DZIP3: variants seen among roughly 807,000 people sequenced by gnomAD.
DZIP3 encodes DAZ interacting zinc finger protein 3.
Under a neutral mutation model 162.0 loss-of-function variants are expected in DZIP3, and 118 were observed. The ratio of observed to expected loss-of-function variants is 0.73; its 90% CI spans 0.63 to 0.85. The LOEUF (loss-of-function observed/expected upper bound fraction) is 0.85. Among genes scored for constraint, DZIP3 ranks in the 40% least tolerant of loss-of-function variants. The pLI, the probability that DZIP3 is intolerant of heterozygous loss-of-function variation, is 0.00. For missense variants in DZIP3, 1,331 were observed against 1,407.0 expected, an observed-to-expected ratio of 0.95 and a Z score of 0.86; for synonymous variants, 438 against 458.6, an observed-to-expected ratio of 0.96 and a Z score of 0.57.
chr3:108,663,570 A>G (rs1055741466), intron 21 of DZIP3, among the ~76,000 whole-genome samples: 34 of 151,862 alleles, frequency 2.2e-4, no homozygotes, highest in Non-Finnish European at 4.3e-4. Flanking sequence ...AAAAAAAAAA[A>G]AAGAAACTGT....
At chr3:108,670,782 A>G (rs1943899643) in intron 22 of DZIP3, among the ~76,000 whole-genome samples, 1 of 151,908 alleles carries the variant, frequency 6.6e-6, no homozygotes, top group Admixed American at 6.6e-5. Context: ...TCTGATCAAC[A>G]TTTGTTACAC....
At chr3:108,664,073 A>G (rs1293376895) in intron 21 of DZIP3, among the ~76,000 whole-genome samples, 3 of 152,212 alleles carry the variant, frequency 2.0e-5, no homozygotes, top group Admixed American at 2.0e-4. Flanking sequence ...GGAACACTCT[A>G]GAAGACGGAA....
rs947269426 is a variant in DZIP3, at chr3:108,694,749, C to T, written c.*1396C>T. The T allele has an allele frequency of 6.6e-6, 1 of 152,156 alleles. No homozygotes were observed. Among genetic ancestry groups the T allele is most frequent in the Non-Finnish European group, 1.5e-5 (1 of 68,018 alleles). The allele number at this position is 152,156 out of a possible 1,614,324, so 9.4% of individuals were successfully genotyped here. A position where few individuals can be genotyped will look rare whatever the true frequency, so the allele number is the denominator to read the frequency against. On this transcript the variant is annotated 3_prime_UTR_variant, in exon 33 of 33. Transcript: ENST00000361582. ...ACACCTTAAGGTCATGGTCATATAGCTAGTTATCTTGTAAAACCAATGTTT... is the reference window on the plus strand; with the variant it reads ...ACACCTTAAGGTCATGGTCATATAGTTAGTTATCTTGTAAAACCAATGTTT...
intron 5 of DZIP3, among the ~76,000 whole-genome samples, chr3:108,618,154 G>A (rs1941115904): frequency 1.3e-5 from 2 of 152,182 alleles, no homozygotes; most frequent in Admixed American, 6.5e-5. Context: ...AATAATCTTT[G>A]CTGATGGGGA....
intron 1 of DZIP3, among the ~76,000 whole-genome samples, chr3:108,591,093 T>C (rs1325361447): frequency 6.6e-6 from 1 of 152,116 alleles, no homozygotes; most frequent in Non-Finnish European, 1.5e-5. Flanking sequence ...AAAGCAACAT[T>C]TGGGGAAATG....
intron 16 of DZIP3, 71 bp downstream of exon 16, chr3:108,648,183 C>T: frequency 7.3e-7 from 1 of 1,364,624 alleles, no homozygotes. Flanking sequence ...ATGTGCTGTA[C>T]TTAAAGCATC....
intron 7 of DZIP3, among the ~76,000 whole-genome samples, chr3:108,626,511 A>T (rs1048556950): frequency 3.3e-5 from 5 of 152,244 alleles, no homozygotes; most frequent in African/African-American, 1.2e-4. Context: ...AGTATTGGCT[A>T]CTACTTTTAA....
intron 3 of DZIP3, among the ~76,000 whole-genome samples, chr3:108,608,635 G>A (rs962281262): frequency 6.6e-6 from 1 of 151,964 alleles, no homozygotes; most frequent in Non-Finnish European, 1.5e-5. Context: ...GAATAACTCT[G>A]AATTATACAT....
chr3:108,691,998 C>T (rs1338162023), intron 32 of DZIP3, among the ~76,000 whole-genome samples: 1 of 152,118 alleles, frequency 6.6e-6, no homozygotes, highest in Non-Finnish European at 1.5e-5. Flanking sequence ...TCACGGAACA[C>T]TCCCACATGT....
rs1434559842 is a variant in DZIP3, at chr3:108,674,112, T to C, written c.2624T>C (p.Leu875Ser). Reference sequence around the variant, plus strand: ...TTACAGTGTCGTAGGGATTTTGGTTTGCTTCATCTAGAGCAGACTGAAAAG... The same window carrying C: ...TTACAGTGTCGTAGGGATTTTGGTTCGCTTCATCTAGAGCAGACTGAAAAG... The part of the protein sequence containing the change: ...YFLQCRRDFG[L>S]LHLEQTEKEC... The change falls in exon 24 of 33, where the codon TTG becomes TCG. Residue 875 changes from leucine to serine, a missense_variant. Physicochemically the swap from Leu to Ser is moderately radical, Grantham distance 145. Coordinates refer to ENST00000361582, the MANE Select transcript of DZIP3 (RefSeq NM_014648.4). 6.2e-7 allele frequency: 1 copy of C among 1,612,174 alleles called. No homozygotes were observed. The highest frequency in any genetic ancestry group is 1.3e-5 in the African/African-American group (1 of 74,804).
At chr3:108,631,055 A>ACACACACACATACTCTCTCTCT in intron 8 of DZIP3, among the ~76,000 whole-genome samples, 2 of 18,006 alleles carry the variant, frequency 1.1e-4, no homozygotes, top group South Asian at 2.3e-3. Flanking sequence ...ACACACACAC[A>ACACACACACATACTCTCTCTCT]CTCTCTCTCT....
In DZIP3 at chr3:108,617,682, C is replaced by A. The variant is rs373386545; in HGVS notation, c.375+1025C>A. On this transcript the variant is annotated intron_variant, in intron 5 of 32. Coordinates refer to ENST00000361582, the MANE Select transcript of DZIP3 (RefSeq NM_014648.4). ...AGGATTCTGGGGATTAGGGTTCTTA[C>A]AGGGTGAGTTACACCATTCAGAAGG... is the stretch of plus-strand genomic sequence containing the variant. 3.3e-5 allele frequency among the ~76,000 whole-genome samples: 5 copies of A among 152,292 alleles called. No individual in the cohort carries two copies. The East Asian group carries it at 9.6e-4, about 29-fold the overall frequency.
At chr3:108,691,109 C>G (rs1000724704) in intron 32 of DZIP3, 1 of 484,832 alleles carries the variant, frequency 2.1e-6, no homozygotes, top group Admixed American at 3.6e-5. Context: ...AATAGTTACA[C>G]TATATATGCT....
intron 19 of DZIP3, among the ~76,000 whole-genome samples, chr3:108,660,728 C>G (rs956455744): frequency 6.6e-6 from 1 of 152,106 alleles, no homozygotes; most frequent in Admixed American, 6.6e-5. Flanking sequence ...AAAATTTTTG[C>G]AACCTACTCA....
chr3:108,631,055 A>ACACTCTCTCTCTCTCTCTCT, intron 8 of DZIP3, among the ~76,000 whole-genome samples: 12 of 18,016 alleles, frequency 6.7e-4, no homozygotes, highest in Non-Finnish European at 9.0e-4. Context: ...ACACACACAC[A>ACACTCTCTCTCTCTCTCTCT]CTCTCTCTCT....
chr3:108,662,335 C>CA, intron 21 of DZIP3, 78 bp downstream of exon 21: 1 of 1,451,168 alleles, frequency 6.9e-7, no homozygotes, highest in South Asian at 1.5e-5. Flanking sequence ...TCTGCATAAC[C>CA]ACTAGGTGGC....
At chr3:108,659,979 A>G (rs562091420) in intron 19 of DZIP3, among the ~76,000 whole-genome samples, 6 of 149,752 alleles carry the variant, frequency 4.0e-5, no homozygotes, top group African/African-American at 1.5e-4. Flanking sequence ...CTGCTCAACA[A>G]AATAAAAGAG....
rs780803694 is a variant in DZIP3 at position 108,662,222 on chromosome 3, TCAA to T, written c.2392_2394del (p.Gln798del). The T allele has an allele frequency of 2.5e-6, 4 of 1,601,166 alleles. No individual in the cohort carries two copies. The highest frequency in any genetic ancestry group is 3.4e-6 in the Non-Finnish European group (4 of 1,176,822). Reference sequence around the variant, plus strand: ...AAGACAAAATTATCGCATCTCTTAATCAACAAGTTGCTTTTGGAATCAATAAGG... The same window carrying T: ...AAGACAAAATTATCGCATCTCTTAATCAAGTTGCTTTTGGAATCAATAAGG... On this transcript the variant is annotated inframe_deletion, in exon 21 of 33. Transcript: ENST00000361582.
intron 3 of DZIP3, among the ~76,000 whole-genome samples, chr3:108,610,917 G>A (rs1461156900): frequency 1.3e-5 from 2 of 152,062 alleles, no homozygotes; most frequent in Non-Finnish European, 2.9e-5. Context: ...AATAGCTGAC[G>A]CATCAGTCAT....
Sources: allele counts gnomAD v4.1 joint callset (sites outside exome capture counted in the v4.1 genomes callset), GRCh38; gene constraint gnomAD v4.1.1; transcripts MANE v1.5; gene names NCBI Gene and HGNC (gene_info 2026-07-23, HGNC 2026-07-21).